Variants in LRMDA observed in about 807,000 individuals in gnomAD.
LRMDA encodes the protein leucine rich melanocyte differentiation associated.
Under a neutral mutation model 29.8 loss-of-function variants are expected in LRMDA, and 18 were observed. The ratio of observed to expected loss-of-function variants is 0.60; its 90% CI spans 0.42 to 0.90. LRMDA has a LOEUF of 0.90. Among genes scored for constraint, LRMDA ranks in the 40% least tolerant of loss-of-function variants. The probability of loss-of-function intolerance (pLI) is 0.00; values close to 1 mark genes in which losing one functional copy is unlikely to be tolerated. For synonymous variants in LRMDA, 125 were observed against 109.4 expected, an observed-to-expected ratio of 1.14 and a Z score of -0.89; for missense variants, 273 against 273.9, an observed-to-expected ratio of 1.00 and a Z score of 0.02.
At chr10:76,341,856 C>G (rs923819991) in intron 6 of LRMDA, among the ~76,000 whole-genome samples, 5 of 152,074 alleles carry the variant, frequency 3.3e-5, no homozygotes, top group African/African-American at 1.2e-4. Flanking sequence ...GACAGGAAGA[C>G]CCAGGCAGAA....
At chr10:75,606,009 C>T (rs1840951837) in intron 2 of LRMDA, among the ~76,000 whole-genome samples, 1 of 152,102 alleles carries the variant, frequency 6.6e-6, no homozygotes, top group Non-Finnish European at 1.5e-5. Context: ...AGGTGTGCAC[C>T]ACCATGCTCA....
At chr10:75,638,360 T>C (rs191495843) in intron 2 of LRMDA, among the ~76,000 whole-genome samples, 2 of 152,320 alleles carry the variant, frequency 1.3e-5, no homozygotes, top group Admixed American at 1.3e-4. Context: ...TTCAGAGCAA[T>C]AGGCAAAAGG....
At chr10:76,250,629 G>T (rs933720049) in intron 5 of LRMDA, among the ~76,000 whole-genome samples, 1 of 152,122 alleles carries the variant, frequency 6.6e-6, no homozygotes, top group Admixed American at 6.5e-5. Flanking sequence ...TTCTCCATTG[G>T]ACATTCTTTC....
intron 6 of LRMDA, among the ~76,000 whole-genome samples, chr10:76,510,710 C>A (rs934767869): frequency 6.6e-6 from 1 of 152,126 alleles, no homozygotes; most frequent in African/African-American, 2.4e-5. Context: ...CAAATAGATG[C>A]CTCGTGATCG....
rs1409000812 is a variant in LRMDA, at chr10:75,626,184, ACTCACCAC to A, written c.131+187693_131+187700del. ...GCCAAGAGGATGCTCTATTTTAGCT[ACTCACCAC>A]CTACCCGTGGCACAGACATGCCTCA... On this transcript the variant is annotated intron_variant, in intron 2 of 6. Coordinates refer to ENST00000611255, the MANE Select transcript of LRMDA (RefSeq NM_001305581.2). Among the ~76,000 whole-genome samples the A allele has an allele frequency of 9.2e-5, 14 of 151,890 alleles. No homozygotes were observed. The South Asian group carries it at 2.9e-3, about 32-fold the overall frequency.
At chr10:75,821,845 A>G (rs1397503059) in intron 2 of LRMDA, among the ~76,000 whole-genome samples, 2 of 152,294 alleles carry the variant, frequency 1.3e-5, no homozygotes, top group East Asian at 3.9e-4. Flanking sequence ...CCTCAAAATA[A>G]TAAAAACCAT....
chr10:75,474,816 T>C (rs1844769727), intron 2 of LRMDA, among the ~76,000 whole-genome samples: 1 of 152,202 alleles, frequency 6.6e-6, no homozygotes, highest in Non-Finnish European at 1.5e-5. Flanking sequence ...CAGTACTTGA[T>C]GAATTTGAGA....
chr10:76,468,385 C>T (rs948512158), intron 6 of LRMDA, among the ~76,000 whole-genome samples: 2 of 152,192 alleles, frequency 1.3e-5, no homozygotes, highest in African/African-American at 4.8e-5. Flanking sequence ...CACTGGCTGG[C>T]AAGTTTTGAG....
chr10:75,971,861 A>G (rs1013183405), intron 2 of LRMDA, among the ~76,000 whole-genome samples: 9 of 152,166 alleles, frequency 5.9e-5, no homozygotes, highest in Non-Finnish European at 1.0e-4. Flanking sequence ...CCTTTGAAAC[A>G]TGATCTTTTT....
chr10:76,073,986 C>G (rs1306973222), intron 5 of LRMDA, among the ~76,000 whole-genome samples: 1 of 152,292 alleles, frequency 6.6e-6, no homozygotes, highest in Middle Eastern at 3.4e-3. Context: ...CAAATCTTTG[C>G]ATAATACCAA....
chr10:75,940,111 C>G (rs1039325843), intron 2 of LRMDA, among the ~76,000 whole-genome samples: 3 of 152,058 alleles, frequency 2.0e-5, no homozygotes, highest in African/African-American at 2.4e-5. Flanking sequence ...TTATTGAGTA[C>G]CTAACTTAAT....
At chr10:76,166,981 C>T (rs997919383) in intron 5 of LRMDA, among the ~76,000 whole-genome samples, 1 of 151,598 alleles carries the variant, frequency 6.6e-6, no homozygotes, top group Non-Finnish European at 1.5e-5. Flanking sequence ...GTTCGTTTGA[C>T]TTTTTATAAT....
intron 2 of LRMDA, among the ~76,000 whole-genome samples, chr10:75,762,501 C>A (rs1191221382): frequency 6.6e-6 from 1 of 152,202 alleles, no homozygotes. Flanking sequence ...TGCCCAGGCA[C>A]TTGAGCAGAA....
chr10:75,819,833 A>C (rs559727115), intron 2 of LRMDA, among the ~76,000 whole-genome samples: 20 of 152,360 alleles, frequency 1.3e-4, no homozygotes, highest in Admixed American at 1.3e-3. Flanking sequence ...GCTAGTAGCC[A>C]TATGTGACTA....
chr10:75,448,645 C>G (rs1335326384), intron 2 of LRMDA, among the ~76,000 whole-genome samples: 2 of 152,180 alleles, frequency 1.3e-5, no homozygotes, highest in African/African-American at 4.8e-5. Context: ...GTTGTCAGGG[C>G]ATAGGACAGC....
chr10:75,813,567 C>G (rs1844001597), intron 2 of LRMDA, among the ~76,000 whole-genome samples: 1 of 152,156 alleles, frequency 6.6e-6, no homozygotes, highest in Admixed American at 6.5e-5. Context: ...GGGTTTATAT[C>G]TGGAGAGAGA....
intron 2 of LRMDA, among the ~76,000 whole-genome samples, chr10:75,923,786 T>C (rs7920276): frequency 0.32 from 48,916 of 152,044 alleles, 8,196 homozygotes; most frequent in African/African-American, 0.34. Context: ...TTCAGAGGAA[T>C]GACCTTCCAT....
At chr10:76,290,579 C>G (rs1171698130) in intron 5 of LRMDA, among the ~76,000 whole-genome samples, 1 of 152,026 alleles carries the variant, frequency 6.6e-6, no homozygotes, top group African/African-American at 2.4e-5. Flanking sequence ...TATGCCACCA[C>G]AGCTGGCTAA....
At chr10:75,577,937 C>T (rs1840529041) in intron 2 of LRMDA, among the ~76,000 whole-genome samples, 2 of 150,150 alleles carry the variant, frequency 1.3e-5, no homozygotes, top group South Asian at 4.2e-4. Flanking sequence ...CAAAAACATA[C>T]CAAATTGTAA....
Sources: gnomAD v4.1 joint callset for allele counts (sites outside exome capture counted in the v4.1 genomes callset) on GRCh38, gnomAD v4.1.1 for gene constraint, MANE v1.5 for transcripts, NCBI Gene and HGNC (gene_info 2026-07-23, HGNC 2026-07-21) for gene names.